CADM2: variants seen among roughly 807,000 people sequenced by gnomAD.
CADM2 encodes cell adhesion molecule 2.
In CADM2, 12 loss-of-function variants were observed where a neutral mutation model predicts 49.8. That is an observed-to-expected ratio of 0.24 (90% confidence interval 0.15 to 0.39). The LOEUF (loss-of-function observed/expected upper bound fraction) is 0.39. Ranked by LOEUF, CADM2 falls within the 10% of genes least tolerant of loss-of-function variation. The probability of loss-of-function intolerance (pLI) is 1.00; values close to 1 mark genes in which losing one functional copy is unlikely to be tolerated. For synonymous variants in CADM2, 214 were observed against 175.4 expected (o/e 1.22, Z -1.74); for missense variants, 378 against 492.3 (o/e 0.77, Z 2.20).
intron 8 of CADM2, among the ~76,000 whole-genome samples, chr3:86,045,142 G>A (rs1736492625): frequency 6.6e-6 from 1 of 151,884 alleles, no homozygotes; most frequent in South Asian, 2.1e-4. Flanking sequence ...CACCAACATG[G>A]CACATATATA....
At chr3:85,959,584 C>G (rs1454707642) in intron 7 of CADM2, among the ~76,000 whole-genome samples, 1 of 151,856 alleles carries the variant, frequency 6.6e-6, no homozygotes, top group African/African-American at 2.4e-5. Flanking sequence ...GTGTCAGAGT[C>G]TACTATCACT....
At chr3:85,069,984 T>A (rs1396500749) in intron 1 of CADM2, among the ~76,000 whole-genome samples, 3 of 152,168 alleles carry the variant, frequency 2.0e-5, no homozygotes, top group Non-Finnish European at 4.4e-5. Context: ...ATTTCATACA[T>A]CCCTGATAAC....
At chr3:86,062,324 C>T (rs1455036893) in intron 8 of CADM2, among the ~76,000 whole-genome samples, 1 of 152,106 alleles carries the variant, frequency 6.6e-6, no homozygotes, top group East Asian at 1.9e-4. Flanking sequence ...ATTTTTTCCT[C>T]ATTTTTGGAG....
intron 1 of CADM2, among the ~76,000 whole-genome samples, chr3:85,494,581 T>C (rs1248447505): frequency 6.6e-6 from 1 of 152,176 alleles, no homozygotes; most frequent in Non-Finnish European, 1.5e-5. Context: ...TTGAGGTTTG[T>C]ATGTTTAAAA....
intron 8 of CADM2, among the ~76,000 whole-genome samples, chr3:85,989,015 G>A (rs1480376434): frequency 2.0e-5 from 3 of 152,050 alleles, no homozygotes; most frequent in African/African-American, 7.2e-5. Flanking sequence ...GGTATTCTAG[G>A]GTAGTCTGGT....
chr3:85,377,180 A>G (rs1049806773), intron 1 of CADM2, among the ~76,000 whole-genome samples: 3 of 152,118 alleles, frequency 2.0e-5, no homozygotes, highest in Non-Finnish European at 4.4e-5. Flanking sequence ...TCTTTTGTTC[A>G]TAAATGCTAA....
At position 85,820,459 on chromosome 3, in the gene CADM2, G is replaced by A. The variant is rs148896269; in HGVS notation, c.238+18263G>A. 2.5e-3 allele frequency among the ~76,000 whole-genome samples: 384 copies of A among 152,240 alleles called. 1 individual carries two copies. The highest frequency in any genetic ancestry group is 8.9e-3 in the African/African-American group (372 of 41,572). On this transcript the variant is annotated intron_variant, in intron 3 of 9. Transcript: ENST00000383699. The stretch of plus-strand genomic sequence containing the variant: ...GATCAGAGTTAGCAATGAGGATGAT[G>A]AGAATAGATGGAATGTTCTGTGTAT...
intron 1 of CADM2, among the ~76,000 whole-genome samples, chr3:85,720,592 A>C (rs998766901): frequency 2.0e-5 from 3 of 152,182 alleles, no homozygotes; most frequent in Admixed American, 2.0e-4. Flanking sequence ...TGATTAAGAA[A>C]AAATAAAAAC....
intron 1 of CADM2, among the ~76,000 whole-genome samples, chr3:85,347,559 A>G (rs2030828292): frequency 7.0e-6 from 1 of 143,054 alleles, no homozygotes; most frequent in South Asian, 2.2e-4. Flanking sequence ...ATATATACAC[A>G]CATATATATA....
intron 3 of CADM2, among the ~76,000 whole-genome samples, chr3:85,875,354 A>ATAAG: frequency 1.3e-5 from 2 of 152,194 alleles, no homozygotes; most frequent in East Asian, 3.9e-4. Flanking sequence ...GATAATAAGA[A>ATAAG]TAAGAGTCTT....
rs1204308451 is a variant in CADM2, at chr3:85,293,850, C to A, written c.61+334182C>A. 4.7e-5 allele frequency among the ~76,000 whole-genome samples: 7 copies of A among 149,814 alleles called. No individual in the cohort carries two copies. In the South Asian group the frequency reaches 1.3e-3, roughly 27 times the overall value. On this transcript the variant is annotated intron_variant, in intron 1 of 9. Coordinates refer to ENST00000383699, the MANE Select transcript of CADM2 (RefSeq NM_001167675.2). ...CAATATCATACTGAATGGGCAAAAA[C>A]TGGAAGCATTCCCTTTGAAAACTGG...
intron 1 of CADM2, among the ~76,000 whole-genome samples, chr3:85,198,577 G>T (rs2041405231): frequency 6.6e-6 from 1 of 151,504 alleles, no homozygotes; most frequent in African/African-American, 2.4e-5. Context: ...ACTACAAGCA[G>T]GAATAGTCAC....
chr3:85,631,353 G>A (rs1046051016), intron 1 of CADM2, among the ~76,000 whole-genome samples: 2 of 152,036 alleles, frequency 1.3e-5, no homozygotes, highest in Non-Finnish European at 2.9e-5. Context: ...ATAAATGGCT[G>A]TTGAAAACAA....
At chr3:85,607,057 T>G (rs2063557105) in intron 1 of CADM2, among the ~76,000 whole-genome samples, 1 of 152,104 alleles carries the variant, frequency 6.6e-6, no homozygotes, top group Non-Finnish European at 1.5e-5. Flanking sequence ...GCCAGTTTAT[T>G]TTACAGATGA....
At chr3:85,108,145 C>A (rs9828033) in intron 1 of CADM2, among the ~76,000 whole-genome samples, 65 of 152,104 alleles carry the variant, frequency 4.3e-4, no homozygotes, top group African/African-American at 1.5e-3. Flanking sequence ...GCATTATTTA[C>A]AATAGCCAAT....
chr3:85,633,931 A>G (rs896235833), intron 1 of CADM2, among the ~76,000 whole-genome samples: 9 of 152,044 alleles, frequency 5.9e-5, no homozygotes, highest in African/African-American at 2.2e-4. Context: ...CTATTTGACA[A>G]AAAATGAGGG....
At chr3:85,162,142 A>G (rs2040346538) in intron 1 of CADM2, among the ~76,000 whole-genome samples, 1 of 152,210 alleles carries the variant, frequency 6.6e-6, no homozygotes. Flanking sequence ...GGCATTTAGC[A>G]GTTAACAGGG....
chr3:85,188,005 A>G (rs574352225), intron 1 of CADM2, among the ~76,000 whole-genome samples: 32 of 152,020 alleles, frequency 2.1e-4, no homozygotes, highest in Non-Finnish European at 4.1e-4. Flanking sequence ...ATTAACAATG[A>G]AAGTTATTAT....
intron 5 of CADM2, among the ~76,000 whole-genome samples, chr3:85,890,972 T>A (rs1241697085): frequency 6.6e-6 from 1 of 152,200 alleles, no homozygotes; most frequent in Non-Finnish European, 1.5e-5. Flanking sequence ...GAAAGAGCTT[T>A]TATTCCAGAT....
Sources: gnomAD v4.1 joint callset for allele counts (sites outside exome capture counted in the v4.1 genomes callset) on GRCh38, gnomAD v4.1.1 for gene constraint, MANE v1.5 for transcripts, NCBI Gene and HGNC (gene_info 2026-07-23, HGNC 2026-07-21) for gene names.